ERG: variants seen among roughly 807,000 people sequenced by gnomAD.
ERG encodes ETS transcription factor ERG.
A neutral mutation model predicts 55.3 loss-of-function variants in ERG; 9 were observed. The ratio of observed to expected loss-of-function variants is 0.16; its 90% CI spans 0.10 to 0.28. The LOEUF is 0.28. Among genes scored for constraint, ERG ranks in the 10% least tolerant of loss-of-function variants. The pLI, the probability that ERG is intolerant of heterozygous loss-of-function variation, is 1.00. For missense variants in ERG, 434 were observed against 631.6 expected (o/e 0.69, Z 3.35); for synonymous variants, 223 against 237.3 (o/e 0.94, Z 0.55).
chr21:38,637,179 C>A (rs2060394588), intron 1 of ERG, among the ~76,000 whole-genome samples: 1 of 152,174 alleles, frequency 6.6e-6, no homozygotes, highest in Non-Finnish European at 1.5e-5. Context: ...ATTGCTTTCC[C>A]AGACTTCAGT....
intron 2 of ERG, among the ~76,000 whole-genome samples, chr21:38,433,404 C>T (rs1396732062): frequency 1.3e-5 from 2 of 152,092 alleles, no homozygotes; most frequent in Non-Finnish European, 2.9e-5. Flanking sequence ...GAGCTGTCGT[C>T]CATACATAAT....
chr21:38,661,253 T>A (rs62217517), intron 1 of ERG, among the ~76,000 whole-genome samples: 58,969 of 151,820 alleles, frequency 0.39, 12,540 homozygotes, highest in Middle Eastern at 0.55. Flanking sequence ...AAGTGATATT[T>A]TTCCAGCCTC....
intron 3 of ERG, among the ~76,000 whole-genome samples, chr21:38,420,489 T>C (rs1989494770): frequency 6.6e-6 from 1 of 152,034 alleles, no homozygotes; most frequent in South Asian, 2.1e-4. Context: ...AAGAGAAGAG[T>C]ACTTTGCTCC....
chr21:38,503,456 T>C (rs1199228651), upstream of ERG, among the ~76,000 whole-genome samples: 1 of 151,852 alleles, frequency 6.6e-6, no homozygotes, highest in Non-Finnish European at 1.5e-5. Context: ...ATTCAGGTGA[T>C]ATTAATGGCC....
rs2059033981 is a variant in ERG at position 38,460,718 on chromosome 21, A to G, written c.19-15097T>C. Among the ~76,000 whole-genome samples the G allele has an allele frequency of 6.6e-6, 1 of 152,212 alleles. No homozygotes were observed. The highest frequency in any genetic ancestry group is 6.5e-5 in the Admixed American group (1 of 15,284). ...CACTAATAGGGCAGCCTTTAGGGAA[A>G]CTGACTTGTGGCAACTGAAAGGAAT... is the stretch of plus-strand genomic sequence containing the variant. On this transcript the variant is annotated intron_variant, in intron 1 of 9. Coordinates refer to ENST00000288319, the MANE Select transcript of ERG (RefSeq NM_182918.4). The surrounding 1 kb of genome is among the most constrained non-coding windows in gnomAD (Gnocchi z 5.0).
chr21:38,496,210 AC>A (rs1167127956), intron 1 of ERG, among the ~76,000 whole-genome samples: 1 of 152,108 alleles, frequency 6.6e-6, no homozygotes, highest in African/African-American at 2.4e-5. Flanking sequence ...AAAAATAAAA[AC>A]TCCACTCAAA....
chr21:38,463,760 G>C (rs527410012), intron 1 of ERG, among the ~76,000 whole-genome samples: 7 of 152,352 alleles, frequency 4.6e-5, no homozygotes, highest in African/African-American at 1.7e-4. Context: ...GTGCTGGTTG[G>C]GGGGAAGCTG....
intron 2 of ERG, among the ~76,000 whole-genome samples, chr21:38,542,761 T>C (rs1364743950): frequency 6.6e-6 from 1 of 152,214 alleles, no homozygotes; most frequent in Non-Finnish European, 1.5e-5. Flanking sequence ...AGTAAATAGA[T>C]ACTCCATGTG....
intron 9 of ERG, among the ~76,000 whole-genome samples, chr21:38,389,224 G>A (rs942964817): frequency 1.3e-5 from 2 of 152,128 alleles, no homozygotes; most frequent in African/African-American, 4.8e-5. Context: ...ACAGAGTCAG[G>A]TTTCTAACCT....
At chr21:38,403,859 G>T in intron 3 of ERG, 150 bp from the exon 4 acceptor site, 1 of 682,112 alleles carries the variant, frequency 1.5e-6, no homozygotes, top group Non-Finnish European at 2.5e-6. Flanking sequence ...AGAACATTTT[G>T]GGGGAAAGAC....
chr21:38,626,321 G>A (rs2060324528), intron 1 of ERG, among the ~76,000 whole-genome samples: 2 of 152,230 alleles, frequency 1.3e-5, no homozygotes. Flanking sequence ...CAGTGGTACT[G>A]AGTGTAATCC....
At chr21:38,576,406 G>A (rs542147312) in intron 1 of ERG, among the ~76,000 whole-genome samples, 3 of 152,224 alleles carry the variant, frequency 2.0e-5, no homozygotes, top group African/African-American at 7.2e-5. Flanking sequence ...AATCAGATTA[G>A]GCTATCTGAC....
chr21:38,459,502 G>A (rs781719667), intron 1 of ERG, among the ~76,000 whole-genome samples: 9 of 152,156 alleles, frequency 5.9e-5, no homozygotes, highest in African/African-American at 9.7e-5. Context: ...CAGACAACAC[G>A]ACAAACATCT....
At chr21:38,606,360 A>T (rs1002997089) in intron 1 of ERG, among the ~76,000 whole-genome samples, 25 of 152,212 alleles carry the variant, frequency 1.6e-4, no homozygotes, top group Non-Finnish European at 3.1e-4. Flanking sequence ...CTGATTCAAC[A>T]CCCCTAGGGC....
At chr21:38,442,182 G>T (rs541042651) in intron 2 of ERG, among the ~76,000 whole-genome samples, 1 of 152,108 alleles carries the variant, frequency 6.6e-6, no homozygotes, top group Non-Finnish European at 1.5e-5. Flanking sequence ...AAGATGGGTG[G>T]ATTGAGTTCG....
chr21:38,500,978 T>C (rs1228834159), upstream of ERG, among the ~76,000 whole-genome samples: 2 of 151,606 alleles, frequency 1.3e-5, no homozygotes, highest in African/African-American at 4.9e-5. Context: ...AATGGCATCA[T>C]AGCATCCAAG....
chr21:38,605,929 C>T (rs955025182), intron 1 of ERG, among the ~76,000 whole-genome samples: 3 of 147,328 alleles, frequency 2.0e-5, no homozygotes, highest in African/African-American at 5.2e-5. Context: ...GAGATAGGTA[C>T]GTAGGTAAAT....
chr21:38,456,598 C>CAG (rs10655930), intron 1 of ERG, among the ~76,000 whole-genome samples: 140,668 of 152,240 alleles, frequency 0.92, 65,041 homozygotes, highest in South Asian at 0.98. Context: ...TCCCCATCCC[C>CAG]ATCATTGTTG....
At chr21:38,477,242 G>A (rs999317467) in intron 1 of ERG, among the ~76,000 whole-genome samples, 2 of 152,018 alleles carry the variant, frequency 1.3e-5, no homozygotes, top group Admixed American at 6.5e-5. Context: ...TCGCTCAAGC[G>A]ATCCACCCAC....
Sources: gnomAD v4.1 joint callset for allele counts (sites outside exome capture counted in the v4.1 genomes callset) on GRCh38, gnomAD v4.1.1 for gene constraint, Gnocchi (gnomAD v3.1) non-coding constraint, MANE v1.5 for transcripts, NCBI Gene and HGNC (gene_info 2026-07-23, HGNC 2026-07-21) for gene names.